Variants in ENTREP2 observed in about 807,000 individuals in gnomAD.
The protein encoded by ENTREP2 is endosomal transmembrane epsin interactor 2, also known as protein ENTREP2.
chr15:29,229,201 C>T, the ENTREP2 span, among the ~76,000 whole-genome samples: 3 of 120,540 alleles, frequency 2.5e-5, no homozygotes, highest in East Asian at 1.0e-3. Context: ...CTTAAATAAT[C>T]ATTAGAGATA....
chr15:29,360,449 A>G, the ENTREP2 span, among the ~76,000 whole-genome samples: 1 of 152,204 alleles, frequency 6.6e-6, no homozygotes, highest in Admixed American at 6.5e-5. Context: ...TCTTGTCAAG[A>G]ACAGACTGAA....
the ENTREP2 span, among the ~76,000 whole-genome samples, chr15:29,161,774 T>C: frequency 6.6e-6 from 1 of 152,074 alleles, no homozygotes. Flanking sequence ...ACCTTCACCT[T>C]TAAGTAAAGT....
At chr15:29,179,850 G>A in the ENTREP2 span, among the ~76,000 whole-genome samples, 3 of 152,076 alleles carry the variant, frequency 2.0e-5, no homozygotes, top group Non-Finnish European at 2.9e-5. Flanking sequence ...CTCCCAAAGC[G>A]CTGCGATTAC....
the ENTREP2 span, among the ~76,000 whole-genome samples, chr15:29,353,281 A>C: frequency 2.6e-5 from 4 of 152,194 alleles, no homozygotes; most frequent in South Asian, 2.1e-4. Context: ...ATCCAGAAAA[A>C]AAGATGGGAC....
chr15:29,134,646 C>T, the ENTREP2 span, among the ~76,000 whole-genome samples: 1 of 152,232 alleles, frequency 6.6e-6, no homozygotes, highest in Non-Finnish European at 1.5e-5. Context: ...CCTAAGACCA[C>T]CCTGCCTGCA....
chr15:29,127,064 A>G, the ENTREP2 span, among the ~76,000 whole-genome samples: 2 of 152,196 alleles, frequency 1.3e-5, no homozygotes, highest in African/African-American at 4.8e-5. Flanking sequence ...CCATGGAAGC[A>G]GAGACTCTGG....
chr15:29,160,581 C>T, the ENTREP2 span, among the ~76,000 whole-genome samples: 2 of 151,778 alleles, frequency 1.3e-5, no homozygotes, highest in Non-Finnish European at 2.9e-5. Flanking sequence ...TGGTGGCAGG[C>T]ACCTGTAATC....
the ENTREP2 span, among the ~76,000 whole-genome samples, chr15:29,231,890 CTTTCTTTTTTTT>C: frequency 7.3e-6 from 1 of 136,838 alleles, no homozygotes; most frequent in African/African-American, 2.7e-5. Context: ...CTTTTCTTTT[CTTTCTTTTTTTT>C]TTTTTTGAGA....
chr15:29,553,063 A>G, the ENTREP2 span, among the ~76,000 whole-genome samples: 2 of 152,262 alleles, frequency 1.3e-5, no homozygotes, highest in African/African-American at 4.8e-5. Context: ...TGGGAGGCCA[A>G]GGCGGGCAGA....
chr15:29,225,960 G>A, the ENTREP2 span, among the ~76,000 whole-genome samples: 1 of 152,112 alleles, frequency 6.6e-6, no homozygotes, highest in African/African-American at 2.4e-5. Context: ...GCAGCTCCCC[G>A]TGTCTTTCCT....
At chr15:29,126,164 G>T in the ENTREP2 span, 1 of 947,124 alleles carries the variant, frequency 1.1e-6, no homozygotes, top group Admixed American at 3.2e-5. Context: ...CCCCAGACAG[G>T]ATCTGCAGGG....
chr15:29,255,907 A>G, the ENTREP2 span, among the ~76,000 whole-genome samples: 10 of 151,610 alleles, frequency 6.6e-5, no homozygotes, highest in African/African-American at 2.2e-4. Flanking sequence ...ATGCTGAGGC[A>G]GGAGAATAGC....
At chr15:29,635,857 G>T in the ENTREP2 span, among the ~76,000 whole-genome samples, 1 of 152,224 alleles carries the variant, frequency 6.6e-6, no homozygotes, top group East Asian at 1.9e-4. Context: ...GAAAAGATTT[G>T]TCTAAAATAT....
chr15:29,329,857 C>T, the ENTREP2 span, among the ~76,000 whole-genome samples: 1 of 152,050 alleles, frequency 6.6e-6, no homozygotes, highest in African/African-American at 2.4e-5. Context: ...ATTGAACACA[C>T]AAGTAAATAA....
At chr15:29,406,321 T>C in the ENTREP2 span, among the ~76,000 whole-genome samples, 33,412 of 151,994 alleles carry the variant, frequency 0.22, 4,020 homozygotes, top group Middle Eastern at 0.39. Context: ...CCAAGGCGGG[T>C]GGATCACTTG....
chr15:29,597,665 G>T, the ENTREP2 span, among the ~76,000 whole-genome samples: 1 of 151,916 alleles, frequency 6.6e-6, no homozygotes, highest in African/African-American at 2.4e-5. Flanking sequence ...ACCATAGTTT[G>T]TTCATCCATT....
the ENTREP2 span, among the ~76,000 whole-genome samples, chr15:29,650,189 AAGTT>A: frequency 6.6e-6 from 1 of 152,302 alleles, no homozygotes; most frequent in South Asian, 2.1e-4. Flanking sequence ...AAAAAAAAAA[AAGTT>A]AGACAATGGT....
At chr15:29,498,051 G>C in the ENTREP2 span, among the ~76,000 whole-genome samples, 1 of 152,168 alleles carries the variant, frequency 6.6e-6, no homozygotes, top group Non-Finnish European at 1.5e-5. Context: ...CTGGATCACA[G>C]AGGTGGTTTG....
the ENTREP2 span, among the ~76,000 whole-genome samples, chr15:29,307,461 C>G: frequency 1.3e-5 from 2 of 152,324 alleles, no homozygotes; most frequent in African/African-American, 4.8e-5. Flanking sequence ...TGTTTACTAT[C>G]CAACTGCAAG....
Sources: gnomAD v4.1 joint callset for allele counts (sites outside exome capture counted in the v4.1 genomes callset) on GRCh38, gnomAD v4.1.1 for gene constraint, MANE v1.5 for transcripts, NCBI Gene and HGNC (gene_info 2026-07-23, HGNC 2026-07-21) for gene names.